FOXP1: variants seen among roughly 807,000 people sequenced by gnomAD.
The protein encoded by FOXP1 is forkhead box protein P1.
In FOXP1, 15 loss-of-function variants were observed where a neutral mutation model predicts 98.2. The ratio of observed to expected loss-of-function variants is 0.15; its 90% CI spans 0.10 to 0.24. The LOEUF (loss-of-function observed/expected upper bound fraction) is 0.24. Ranked by LOEUF, FOXP1 falls within the 10% of genes least tolerant of loss-of-function variation. FOXP1 has a pLI of 1.00. For missense variants in FOXP1, 633 were observed against 848.5 expected (o/e 0.75, Z 3.15); for synonymous variants, 371 against 314.5 (o/e 1.18, Z -1.90).
intron 2 of FOXP1, among the ~76,000 whole-genome samples, chr3:71,526,456 A>T (rs747134627): frequency 7.2e-5 from 11 of 152,258 alleles, no homozygotes; most frequent in Non-Finnish European, 1.2e-4. Context: ...TACACATCAT[A>T]TAGAAACCTG....
intron 6 of FOXP1, among the ~76,000 whole-genome samples, chr3:71,171,113 A>C (rs199773181): frequency 7.9e-6 from 1 of 126,014 alleles, no homozygotes; most frequent in African/African-American, 2.8e-5. Flanking sequence ...TTTTTTTTTT[A>C]ATTTAAATAA....
intron 13 of FOXP1, among the ~76,000 whole-genome samples, chr3:70,990,121 C>T (rs530786788): frequency 1.3e-5 from 2 of 152,268 alleles, no homozygotes; most frequent in South Asian, 4.1e-4. Flanking sequence ...ATTGTACCAC[C>T]CTAGTTCTGC....
intron 2 of FOXP1, among the ~76,000 whole-genome samples, chr3:71,561,780 C>G (rs2046561320): frequency 6.6e-6 from 1 of 152,150 alleles, no homozygotes; most frequent in Non-Finnish European, 1.5e-5. Context: ...CATCGAGCAC[C>G]AGTATATTTC....
At chr3:71,022,263 G>C (rs561046434) in intron 11 of FOXP1, among the ~76,000 whole-genome samples, 1 of 152,070 alleles carries the variant, frequency 6.6e-6, no homozygotes, top group Non-Finnish European at 1.5e-5. Flanking sequence ...CAAAATGAAC[G>C]TAAATGTAAG....
intron 4 of FOXP1, among the ~76,000 whole-genome samples, chr3:71,350,214 A>G (rs2077688739): frequency 6.6e-6 from 1 of 152,144 alleles, no homozygotes; most frequent in Admixed American, 6.5e-5. Flanking sequence ...TTATAAGCCA[A>G]TTTTCCTGGG....
rs1266853059 is a variant in FOXP1, at chr3:71,290,872, A to T, written c.-12+8948T>A. On this transcript the variant is annotated intron_variant, in intron 5 of 20. Coordinates refer to ENST00000649528, the MANE Select transcript of FOXP1 (RefSeq NM_001349338.3). ...ATATTATAAAATCTGAAAGATCCCA[A>T]ATCAGAAATATTTCTGGTCCCAAGC... 2.0e-5 allele frequency among the ~76,000 whole-genome samples: 3 copies of T among 152,258 alleles called. No individual in the cohort carries two copies. The South Asian group carries it at 6.2e-4, about 32-fold the overall frequency.
chr3:71,048,401 G>A (rs935531842), intron 9 of FOXP1, among the ~76,000 whole-genome samples: 2 of 152,062 alleles, frequency 1.3e-5, no homozygotes, highest in Non-Finnish European at 2.9e-5. Context: ...AAAAATGGTG[G>A]TTTCCTTTCG....
intron 3 of FOXP1, among the ~76,000 whole-genome samples, chr3:71,487,158 G>GA (rs372917816): frequency 9.7e-4 from 141 of 144,642 alleles, no homozygotes; most frequent in East Asian, 3.0e-3. Flanking sequence ...TACGCAAATT[G>GA]AAAAAAAAAA....
intron 6 of FOXP1, among the ~76,000 whole-genome samples, chr3:71,176,652 G>A (rs1472423744): frequency 6.7e-6 from 1 of 149,788 alleles, no homozygotes; most frequent in Non-Finnish European, 1.5e-5. Flanking sequence ...CGGGTGGGAG[G>A]ATTGCTTGAG....
At chr3:71,083,217 A>C (rs2054643633) in intron 7 of FOXP1, among the ~76,000 whole-genome samples, 1 of 152,022 alleles carries the variant, frequency 6.6e-6, no homozygotes, top group African/African-American at 2.4e-5. Flanking sequence ...AGTTCCCCTG[A>C]GATCTGGTTA....
At chr3:71,308,157 G>T (rs1054589006) in intron 4 of FOXP1, among the ~76,000 whole-genome samples, 2 of 151,438 alleles carry the variant, frequency 1.3e-5, no homozygotes, top group Middle Eastern at 3.4e-3. Flanking sequence ...GGGGAAAGAT[G>T]GGGGGGCGTA....
chr3:71,581,263 G>C (rs1305448049), intron 2 of FOXP1: 6 of 985,370 alleles, frequency 6.1e-6, no homozygotes, highest in Non-Finnish European at 7.2e-6. Flanking sequence ...GGTGAGAAGG[G>C]GGGCGAGGAT....
chr3:71,175,166 C>A (rs2061871390), intron 6 of FOXP1, among the ~76,000 whole-genome samples: 1 of 152,192 alleles, frequency 6.6e-6, no homozygotes, highest in South Asian at 2.1e-4. Flanking sequence ...TCCGCCTTGG[C>A]CTCCCAAAGT....
intron 13 of FOXP1, among the ~76,000 whole-genome samples, chr3:70,989,966 C>T (rs2040351550): frequency 6.6e-6 from 1 of 152,342 alleles, no homozygotes; most frequent in African/African-American, 2.4e-5. Context: ...AGCAACACTA[C>T]ATTGCAAACA....
intron 6 of FOXP1, among the ~76,000 whole-genome samples, chr3:71,141,727 G>A (rs1408970210): frequency 6.6e-6 from 1 of 152,014 alleles, no homozygotes; most frequent in East Asian, 1.9e-4. Context: ...TAAGACATCA[G>A]CAATCAACAA....
At chr3:71,580,270 T>C (rs995076445) in intron 2 of FOXP1, among the ~76,000 whole-genome samples, 1 of 151,224 alleles carries the variant, frequency 6.6e-6, no homozygotes, top group Non-Finnish European at 1.5e-5. Flanking sequence ...AGTGGCAAGA[T>C]GTTAAACCTT....
intron 5 of FOXP1, chr3:71,210,927 C>T (rs1236631972): frequency 6.6e-6 from 1 of 152,004 alleles, no homozygotes; most frequent in Admixed American, 6.6e-5. Context: ...CCTGGATGAA[C>T]CAGAATATTA....
intron 5 of FOXP1, among the ~76,000 whole-genome samples, chr3:71,209,973 G>T (rs139676448): frequency 6.6e-6 from 1 of 151,962 alleles, no homozygotes; most frequent in Non-Finnish European, 1.5e-5. Context: ...TAAATTCTGC[G>T]TGATGTCAGT....
At chr3:71,270,049 C>T (rs975447155) in intron 5 of FOXP1, among the ~76,000 whole-genome samples, 1 of 152,150 alleles carries the variant, frequency 6.6e-6, no homozygotes, top group African/African-American at 2.4e-5. Context: ...TGTGTTTAAC[C>T]ACCGCTCTGA....
Sources: gnomAD v4.1 joint callset for allele counts (sites outside exome capture counted in the v4.1 genomes callset) on GRCh38, gnomAD v4.1.1 for gene constraint, MANE v1.5 for transcripts, NCBI Gene and HGNC (gene_info 2026-07-23, HGNC 2026-07-21) for gene names.